Variants in MSRB3 observed in about 807,000 individuals in gnomAD.
MSRB3 encodes methionine sulfoxide reductase B3.
In MSRB3, 13 loss-of-function variants were observed where a neutral mutation model predicts 21.0. That is an observed-to-expected ratio of 0.62 (90% CI 0.40 to 0.98). The LOEUF (loss-of-function observed/expected upper bound fraction) is 0.98, where lower values mean the gene tolerates loss of function less well. Ranked by LOEUF, MSRB3 falls within the 50% of genes least tolerant of loss-of-function variation. The pLI, the probability that MSRB3 is intolerant of heterozygous loss-of-function variation, is 0.00. For synonymous variants in MSRB3, 87 were observed against 88.6 expected, an observed-to-expected ratio of 0.98 and a Z score of 0.10; for missense variants, 199 against 230.3, an observed-to-expected ratio of 0.86 and a Z score of 0.88.
chr12:65,299,042 A>G (rs760234315), intron 1 of MSRB3, among the ~76,000 whole-genome samples: 1 of 152,098 alleles, frequency 6.6e-6, no homozygotes, highest in Non-Finnish European at 1.5e-5. Flanking sequence ...GTACAGGGGA[A>G]CTAAGGTGAA....
chr12:65,307,150 C>A, intron 1 of MSRB3: 1 of 478,406 alleles, frequency 2.1e-6, no homozygotes. Flanking sequence ...TAGTCTGCTC[C>A]AAAGGAATGC....
intron 5 of MSRB3, among the ~76,000 whole-genome samples, chr12:65,371,130 A>G (rs756121927): frequency 6.6e-5 from 10 of 152,128 alleles, no homozygotes; most frequent in South Asian, 2.1e-4. Flanking sequence ...GATCGAGACC[A>G]TCCTGGCTAA....
At chr12:65,410,176 C>G (rs1880640211) in intron 5 of MSRB3, among the ~76,000 whole-genome samples, 1 of 151,676 alleles carries the variant, frequency 6.6e-6, no homozygotes, top group African/African-American at 2.4e-5. Context: ...GTGTATTTTT[C>G]TATTGGGGTA....
intron 5 of MSRB3, among the ~76,000 whole-genome samples, chr12:65,436,933 C>G (rs1358974421): frequency 6.6e-6 from 1 of 151,880 alleles, no homozygotes; most frequent in African/African-American, 2.4e-5. Context: ...ATAATAATCT[C>G]TAAACCCCAG....
intron 4 of MSRB3, among the ~76,000 whole-genome samples, chr12:65,367,663 G>A (rs989632426): frequency 7.2e-5 from 11 of 152,186 alleles, no homozygotes; most frequent in African/African-American, 2.4e-4. Context: ...GGAAACACAG[G>A]GGAGGGCATG....
At chr12:65,440,298 G>A (rs1428320764) in intron 5 of MSRB3, among the ~76,000 whole-genome samples, 1 of 151,688 alleles carries the variant, frequency 6.6e-6, no homozygotes, top group East Asian at 1.9e-4. Flanking sequence ...CAAAAAAAAG[G>A]ACAGGCATAT....
At chr12:65,438,712 G>A (rs768847333) in intron 5 of MSRB3, among the ~76,000 whole-genome samples, 10 of 151,778 alleles carry the variant, frequency 6.6e-5, no homozygotes, top group Non-Finnish European at 1.2e-4. Flanking sequence ...TGGGAGGAAA[G>A]GGAAGCAGAA....
chr12:65,435,120 G>A (rs1434557466), intron 5 of MSRB3, among the ~76,000 whole-genome samples: 1 of 151,864 alleles, frequency 6.6e-6, no homozygotes, highest in Non-Finnish European at 1.5e-5. Context: ...AACTGAAAGA[G>A]TTGTGATGCC....
At chr12:65,357,703 A>G (rs1054523449) in intron 4 of MSRB3, among the ~76,000 whole-genome samples, 14 of 151,864 alleles carry the variant, frequency 9.2e-5, no homozygotes, top group Admixed American at 5.9e-4. Context: ...GGCAGGTTTG[A>G]GGAGTCATGA....
Position 65,466,528 on chromosome 12 carries a change from G to A in MSRB3, c.*3206G>A, listed in dbSNP as rs1432347800. The A allele has an allele frequency of 2.0e-5, 3 of 152,098 alleles. No homozygotes were observed. Among genetic ancestry groups the A allele is most frequent in the African/African-American group, 7.2e-5 (3 of 41,426 alleles). 9.4% of individuals were successfully genotyped at this position (152,098 alleles called of 1,614,324 possible). ...TTAGAAGATGCAGAATTCTGTTGGT[G>A]TGCAAAAAGTATAGCCTTACATTCA... On this transcript the variant is annotated 3_prime_UTR_variant, in exon 7 of 7. Coordinates refer to ENST00000308259, the MANE Select transcript of MSRB3 (RefSeq NM_001031679.3).
intron 2 of MSRB3, among the ~76,000 whole-genome samples, chr12:65,310,266 G>A (rs981420752): frequency 6.6e-6 from 1 of 152,120 alleles, no homozygotes; most frequent in East Asian, 1.9e-4. Flanking sequence ...AAGAGTACTG[G>A]AGGAGTGTGA....
chr12:65,381,821 C>G (rs1446687599), intron 5 of MSRB3, among the ~76,000 whole-genome samples: 1 of 151,740 alleles, frequency 6.6e-6, no homozygotes, highest in Non-Finnish European at 1.5e-5. Flanking sequence ...AGTATTATTC[C>G]TTAATTAAGA....
Position 65,464,756 on chromosome 12 carries a change from CAG to C in MSRB3, c.*1436_*1437del, listed in dbSNP as rs1230848572. 1 of 152,204 alleles carries C rather than the reference CAG, an allele frequency of 6.6e-6. No individual in the cohort carries two copies. Among genetic ancestry groups the C allele is most frequent in the Non-Finnish European group, 1.5e-5 (1 of 68,068 alleles). The allele number at this position is 152,204 out of a possible 1,614,324, so 9.4% of individuals were successfully genotyped here. A position where few individuals can be genotyped will look rare whatever the true frequency, so the allele number is the denominator to read the frequency against. ...CTGACAGGGCAGTACAAGTAACAAACAGAATCCAAGTGGGGTGGCCCTTGTGC... is the reference window on the plus strand; with the variant it reads ...CTGACAGGGCAGTACAAGTAACAAACAATCCAAGTGGGGTGGCCCTTGTGC... On this transcript the variant is annotated 3_prime_UTR_variant, in exon 7 of 7. Transcript: ENST00000308259.
At chr12:65,292,624 A>T (rs1253416138) in intron 1 of MSRB3, among the ~76,000 whole-genome samples, 2 of 151,954 alleles carry the variant, frequency 1.3e-5, no homozygotes, top group Non-Finnish European at 2.9e-5. Flanking sequence ...AGACAATCTT[A>T]TTTATTCCAT....
At chr12:65,367,391 A>G (rs1878071610) in intron 4 of MSRB3, among the ~76,000 whole-genome samples, 1 of 152,218 alleles carries the variant, frequency 6.6e-6, no homozygotes, top group African/African-American at 2.4e-5. Context: ...GAGATGAGAG[A>G]TGCATTTTAG....
At chr12:65,384,335 T>C (rs576945683) in intron 5 of MSRB3, among the ~76,000 whole-genome samples, 1 of 152,330 alleles carries the variant, frequency 6.6e-6, no homozygotes, top group Admixed American at 6.5e-5. Flanking sequence ...GTAATGAGTC[T>C]ATGTAACAAA....
intron 5 of MSRB3, among the ~76,000 whole-genome samples, chr12:65,410,041 C>T (rs1253613455): frequency 5.9e-5 from 9 of 151,900 alleles, no homozygotes; most frequent in Admixed American, 2.0e-4. Flanking sequence ...TGATATCTGG[C>T]GTGTTGTATT....
intron 1 of MSRB3, among the ~76,000 whole-genome samples, chr12:65,298,509 C>A (rs572289121): frequency 6.6e-6 from 1 of 152,124 alleles, no homozygotes; most frequent in African/African-American, 2.4e-5. Context: ...TATTTTATTT[C>A]TTCTACTTTA....
At chr12:65,425,390 T>G (rs1881549000) in intron 5 of MSRB3, among the ~76,000 whole-genome samples, 1 of 152,130 alleles carries the variant, frequency 6.6e-6, no homozygotes, top group Admixed American at 6.5e-5. Flanking sequence ...ATTAGTGGCA[T>G]TAAAAATTAT....
Sources: gnomAD v4.1 joint callset for allele counts (sites outside exome capture counted in the v4.1 genomes callset) on GRCh38, gnomAD v4.1.1 for gene constraint, MANE v1.5 for transcripts, NCBI Gene and HGNC (gene_info 2026-07-23, HGNC 2026-07-21) for gene names.